NCK2: variants seen among roughly 807,000 people sequenced by gnomAD.
NCK2 encodes cytoplasmic protein NCK2.
In NCK2, 16 loss-of-function variants were observed where a neutral mutation model predicts 33.9. The ratio of observed to expected loss-of-function variants is 0.47; its 90% CI spans 0.32 to 0.72. The LOEUF is 0.72. Ranked by LOEUF, NCK2 falls within the 30% of genes least tolerant of loss-of-function variation. The pLI is 0.03. For missense variants in NCK2, 418 were observed against 537.3 expected (o/e 0.78, Z 2.19); for synonymous variants, 273 against 239.9 (o/e 1.14, Z -1.27).
Position 105,855,142 on chromosome 2 carries a change from G to A in NCK2, c.79G>A (p.Glu27Lys). ...CCAGGAGCTGGACATCAAGAAGAAC[G>A]AGCGGCTGTGGTTGCTGGACGACTC... is the stretch of plus-strand genomic sequence containing the variant. ...QDQELDIKKN[E>K]RLWLLDDSKT... is the part of the protein sequence containing the mutation. Residue 27 changes from glutamate (E) to lysine (K), a missense_variant, in exon 3 of 5, where the codon GAG becomes AAG. Coordinates refer to ENST00000233154, the MANE Select transcript of NCK2 (RefSeq NM_003581.5). The A allele has an allele frequency of 6.2e-7, 1 of 1,614,186 alleles. No homozygotes were observed. The highest frequency in any genetic ancestry group is 1.3e-5 in the African/African-American group (1 of 75,048).
At chr2:105,872,091 A>T (rs921739546) in intron 3 of NCK2, among the ~76,000 whole-genome samples, 5 of 152,202 alleles carry the variant, frequency 3.3e-5, no homozygotes, top group African/African-American at 1.2e-4. Flanking sequence ...TAATGGTGAG[A>T]TTATTTTCTG....
intron 2 of NCK2, among the ~76,000 whole-genome samples, chr2:105,848,984 G>A (rs1676956987): frequency 1.3e-5 from 2 of 152,096 alleles, no homozygotes; most frequent in African/African-American, 4.8e-5. Flanking sequence ...AATATATTTT[G>A]GTATGCACAC....
At chr2:105,784,937 T>G (rs1253315607) in intron 1 of NCK2, among the ~76,000 whole-genome samples, 2 of 152,204 alleles carry the variant, frequency 1.3e-5, no homozygotes, top group African/African-American at 4.8e-5. Flanking sequence ...GGTAGTTGTT[T>G]TTTATGTGTT....
chr2:105,745,229 T>G (rs889256579), intron 1 of NCK2, 91 bp downstream of exon 1: 7 of 148,722 alleles, frequency 4.7e-5, no homozygotes, highest in Non-Finnish European at 1.1e-4. Flanking sequence ...CGGGCCGGGG[T>G]GCGCCCGGGA....
intron 1 of NCK2, among the ~76,000 whole-genome samples, chr2:105,799,639 G>A (rs1337842125): frequency 1.3e-5 from 2 of 152,138 alleles, no homozygotes; most frequent in Admixed American, 6.6e-5. Context: ...AAAACAAAAC[G>A]GAATACCACT....
At chr2:105,861,794 C>T (rs1677544265) in intron 3 of NCK2, among the ~76,000 whole-genome samples, 1 of 152,180 alleles carries the variant, frequency 6.6e-6, no homozygotes, top group Non-Finnish European at 1.5e-5. Context: ...GGATTATAGG[C>T]ATGAGCCACC....
chr2:105,749,661 G>A lies in NCK2; in HGVS notation c.-201+4523G>A, dbSNP rs375017425. On this transcript the variant is annotated intron_variant, in intron 1 of 4. Transcript: ENST00000233154. ...CTTGGGTATCTGCCTTTGCCGTGTC[G>A]CAGCTGTGTGTAGATATTGGTGGAG... 5.3e-5 allele frequency among the ~76,000 whole-genome samples: 8 copies of A among 152,116 alleles called. No individual in the cohort carries two copies. In the South Asian group the frequency reaches 6.2e-4, roughly 12 times the overall value.
upstream of NCK2, chr2:105,744,865 T>TCGCCGCCGCCGGGTCGCCGC (rs1689209983): frequency 6.5e-6 from 1 of 153,268 alleles, no homozygotes; most frequent in South Asian, 1.8e-4. Flanking sequence ...CGGGGGAGGG[T>TCGCCGCCGCCGGGTCGCCGC]CGCCGCCGCC....
intron 1 of NCK2, among the ~76,000 whole-genome samples, chr2:105,761,171 G>C (rs957171837): frequency 2.6e-5 from 4 of 152,220 alleles, no homozygotes; most frequent in African/African-American, 7.2e-5. Flanking sequence ...CTGGGCAGCA[G>C]GGTTGTGCCC....
At chr2:105,792,176 A>G (rs1180087499) in intron 1 of NCK2, among the ~76,000 whole-genome samples, 4 of 152,152 alleles carry the variant, frequency 2.6e-5, no homozygotes, top group African/African-American at 7.2e-5. Context: ...GCGCACCTTC[A>G]TATGTAGAAG....
chr2:105,799,770 G>A (rs1674747970), intron 1 of NCK2, among the ~76,000 whole-genome samples: 1 of 152,134 alleles, frequency 6.6e-6, no homozygotes, highest in African/African-American at 2.4e-5. Context: ...CCTAAAAGTG[G>A]TTAAGATAGA....
Position 105,819,591 on chromosome 2 carries a change from G to A in NCK2, c.-17+2978G>A, listed in dbSNP as rs929986378. Among the ~76,000 whole-genome samples the A allele has an allele frequency of 2.6e-5, 4 of 152,324 alleles. No homozygotes were observed. In the East Asian group the frequency reaches 5.8e-4, roughly 22 times the overall value. ...GCTGGTTGAGAAGGTGGTGAGGCAGGGGAGTGTGGCATGCTCACCCAGCAG... is the reference window on the plus strand; with the variant it reads ...GCTGGTTGAGAAGGTGGTGAGGCAGAGGAGTGTGGCATGCTCACCCAGCAG... On this transcript the variant is annotated intron_variant, in intron 2 of 4. Coordinates refer to ENST00000233154, the MANE Select transcript of NCK2 (RefSeq NM_003581.5).
intron 2 of NCK2, among the ~76,000 whole-genome samples, chr2:105,827,010 T>A (rs1397159649): frequency 6.6e-6 from 1 of 151,780 alleles, no homozygotes; most frequent in Non-Finnish European, 1.5e-5. Flanking sequence ...TATTTTTTAT[T>A]TTTTTTTGAG....
chr2:105,768,624 T>C (rs1189211448), intron 1 of NCK2, among the ~76,000 whole-genome samples: 3 of 152,242 alleles, frequency 2.0e-5, no homozygotes, highest in Non-Finnish European at 2.9e-5. Context: ...TGGCTTTGAA[T>C]ACGGCCCAAC....
intron 2 of NCK2, among the ~76,000 whole-genome samples, chr2:105,819,643 C>T (rs2104492589): frequency 6.6e-6 from 1 of 152,260 alleles, no homozygotes; most frequent in South Asian, 2.1e-4. Context: ...TCCCAACACA[C>T]GGGTGCCACG....
At chr2:105,773,279 G>A (rs369376720) in intron 1 of NCK2, among the ~76,000 whole-genome samples, 134 of 152,006 alleles carry the variant, frequency 8.8e-4, no homozygotes, top group African/African-American at 3.0e-3. Context: ...GTTGTTTCTC[G>A]AATCCTCTAA....
intron 2 of NCK2, among the ~76,000 whole-genome samples, chr2:105,821,990 C>T (rs1675757760): frequency 6.6e-6 from 1 of 151,734 alleles, no homozygotes; most frequent in African/African-American, 2.4e-5. Flanking sequence ...CAAGTGCTTA[C>T]CTTAAACTGA....
chr2:105,855,580 G>C, intron 3 of NCK2: 1 of 276,716 alleles, frequency 3.6e-6, no homozygotes, highest in Non-Finnish European at 6.9e-6. Flanking sequence ...GCCTGACTTG[G>C]AATTCTCACC....
At chr2:105,830,693 G>GTGTGTGTGTA (rs1553458070) in intron 2 of NCK2, among the ~76,000 whole-genome samples, 1,643 of 148,030 alleles carry the variant, frequency 0.011, 26 homozygotes, top group African/African-American at 0.039. Flanking sequence ...GTGTGTGTGT[G>GTGTGTGTGTA]TGTGTGTGTG....
Sources: gnomAD v4.1 joint callset for allele counts (sites outside exome capture counted in the v4.1 genomes callset) on GRCh38, gnomAD v4.1.1 for gene constraint, MANE v1.5 for transcripts, NCBI Gene and HGNC (gene_info 2026-07-23, HGNC 2026-07-21) for gene names.